CSF1R: variants seen among roughly 807,000 people sequenced by gnomAD.
CSF1R encodes colony stimulating factor 1 receptor.
A neutral mutation model predicts 110.0 loss-of-function variants in CSF1R; 40 were observed. That is an observed-to-expected ratio of 0.36 (90% CI 0.28 to 0.47). The LOEUF is 0.47. Among genes scored for constraint, CSF1R ranks in the 20% least tolerant of loss-of-function variants. The pLI is 0.99. For synonymous variants in CSF1R, 523 were observed against 503.4 expected (o/e 1.04, Z -0.52); for missense variants, 1,052 against 1,253.0 (o/e 0.84, Z 2.42).
chr5:150,073,884 A>T (rs960458748), intron 5 of CSF1R, among the ~76,000 whole-genome samples: 2 of 152,168 alleles, frequency 1.3e-5, no homozygotes, highest in Non-Finnish European at 2.9e-5. Context: ...TCTGGTCATA[A>T]ATTAGTCAAT....
chr5:150,063,316 G>A (rs528831889), intron 10 of CSF1R, among the ~76,000 whole-genome samples: 1 of 152,020 alleles, frequency 6.6e-6, no homozygotes, highest in East Asian at 1.9e-4. Flanking sequence ...CGGGCAGTGA[G>A]AGACCCTGAG....
intron 1 of CSF1R, chr5:150,094,252 T>G: frequency 8.9e-7 from 1 of 1,119,018 alleles, no homozygotes; most frequent in Non-Finnish European, 1.3e-6. Context: ...CAATCCTGGG[T>G]GTATATGCAC....
intron 10 of CSF1R, among the ~76,000 whole-genome samples, chr5:150,067,810 C>T (rs966533875): frequency 1.3e-5 from 2 of 152,162 alleles, no homozygotes; most frequent in Non-Finnish European, 2.9e-5. Context: ...TGCCATTCCT[C>T]TCCTCATAGC....
In CSF1R at chr5:150,055,299, C is replaced by T; in HGVS notation, c.2592G>A (p.Lys864=). 1 of 1,614,224 alleles carries T rather than the reference C, an allele frequency of 6.2e-7. No homozygotes were observed. Among genetic ancestry groups the T allele is most frequent in the Non-Finnish European group, 8.5e-7 (1 of 1,180,028 alleles). The change falls in exon 19 of 21, where the codon AAG becomes AAA. Residue 864 remains lysine, a synonymous_variant. Coordinates refer to ENST00000675795, the MANE Select transcript of CSF1R (RefSeq NM_001288705.3). ...NPYPGILVNS[K]FYKLVKDGYQ... ...ATCCATCCTTCACCAGTTTATAGAA[C>T]TTGCTGTTCACCAGGATGCCAGGGT...
chr5:150,062,819 G>T (rs978405169), intron 10 of CSF1R, among the ~76,000 whole-genome samples: 4 of 152,120 alleles, frequency 2.6e-5, no homozygotes, highest in Non-Finnish European at 4.4e-5. Flanking sequence ...GTCAGGGAAG[G>T]CCCCTAAAGA....
intron 12 of CSF1R, 66 bp downstream of exon 12, chr5:150,061,425 C>G: frequency 7.7e-7 from 1 of 1,296,628 alleles, no homozygotes; most frequent in South Asian, 1.3e-5. Flanking sequence ...CTTGTGACAC[C>G]AGGGCCAGCC....
At chr5:150,082,842 C>G (rs562024098) in intron 1 of CSF1R, among the ~76,000 whole-genome samples, 11 of 152,364 alleles carry the variant, frequency 7.2e-5, no homozygotes, top group Non-Finnish European at 1.2e-4. Flanking sequence ...GCTTTAATTG[C>G]TACATTTCTA....
At chr5:150,103,788 G>A (rs531177762) in intron 1 of CSF1R, among the ~76,000 whole-genome samples, 1 of 152,322 alleles carries the variant, frequency 6.6e-6, no homozygotes, top group East Asian at 1.9e-4. Flanking sequence ...GCCAACCAGA[G>A]TGTGAAGGAA....
chr5:150,105,130 C>T (rs1213478319), intron 1 of CSF1R, among the ~76,000 whole-genome samples: 16 of 151,518 alleles, frequency 1.1e-4, no homozygotes, highest in African/African-American at 7.3e-5. Context: ...AGGTGGATCA[C>T]GAGATCAGGA....
Position 150,054,206 on chromosome 5 carries a change from T to C in CSF1R, c.2782A>G (p.Ser928Gly). The C allele has an allele frequency of 6.2e-7, 1 of 1,612,348 alleles. No homozygotes were observed. Among genetic ancestry groups the C allele is most frequent in the Non-Finnish European group, 8.5e-7 (1 of 1,179,234 alleles). The stretch of plus-strand genomic sequence containing the variant: ...CCGCTGCCACCGCTTCTGCTGCTGC[T>C]CGGCAGATTGGTATAGTCCTGAGGG... ...RRERDYTNLP[S>G]SSRSGGSGSS... The change falls in exon 21 of 21, where the codon AGC becomes GGC. Residue 928 changes from serine (S) to glycine (G), a missense_variant. Coordinates refer to ENST00000675795, the MANE Select transcript of CSF1R (RefSeq NM_001288705.3).
intron 1 of CSF1R, among the ~76,000 whole-genome samples, chr5:150,104,105 G>A (rs7733874): frequency 0.043 from 6,580 of 152,278 alleles, 425 homozygotes; most frequent in African/African-American, 0.15. Context: ...CTGCCTTTGA[G>A]AGTCCCTGGA....
At chr5:150,057,649 G>C (rs1403442916) in intron 14 of CSF1R, 57 bp from the exon 15 acceptor site, 2 of 1,386,358 alleles carry the variant, frequency 1.4e-6, no homozygotes, top group Non-Finnish European at 2.0e-6. Context: ...GCACTGCTCA[G>C]CTCAGGCCTT....
intron 1 of CSF1R, among the ~76,000 whole-genome samples, chr5:150,093,845 C>G (rs1408844146): frequency 6.6e-6 from 1 of 152,158 alleles, no homozygotes; most frequent in Admixed American, 6.6e-5. Flanking sequence ...GGGCAGGTCA[C>G]CTGAGGTCAG....
intron 1 of CSF1R, among the ~76,000 whole-genome samples, chr5:150,097,177 A>C (rs1430481858): frequency 6.6e-6 from 1 of 152,094 alleles, no homozygotes; most frequent in Non-Finnish European, 1.5e-5. Flanking sequence ...ACTTGAGCTC[A>C]GGATGTCTAG....
chr5:150,056,931 C>G (rs1420677435), intron 16 of CSF1R, among the ~76,000 whole-genome samples: 4 of 152,184 alleles, frequency 2.6e-5, no homozygotes, highest in Non-Finnish European at 5.9e-5. Flanking sequence ...TATACGTTAT[C>G]TAATATCCCC....
intron 16 of CSF1R, 108 bp from the exon 17 acceptor site, chr5:150,056,449 GAAC>G: frequency 8.5e-6 from 12 of 1,419,542 alleles, no homozygotes; most frequent in Admixed American, 2.0e-5. Context: ...CTGCTGGAGT[GAAC>G]AACAGTTTTG....
rs749835712 is a variant in CSF1R at position 150,060,863 on chromosome 5, T to A, written c.1968A>T (p.Gly656=). 1 of 1,603,688 alleles carries A rather than the reference T, an allele frequency of 6.2e-7. No individual in the cohort carries two copies. The highest frequency in any genetic ancestry group is 1.7e-5 in the Admixed American group (1 of 58,956). ...IVNLLGACTH[G]GPVLVITEYC... Reference sequence around the variant, plus strand: ...CCCCAGGAACCCCAAGGCCCTTACCTCCATGGGTACAGGCTCCCAGAAGGT... The same window carrying A: ...CCCCAGGAACCCCAAGGCCCTTACCACCATGGGTACAGGCTCCCAGAAGGT... Residue 656 remains glycine (G), a splice_region_variant and synonymous_variant, in exon 13 of 21, where the codon GGA becomes GGT. Transcript: ENST00000675795.
intron 5 of CSF1R, among the ~76,000 whole-genome samples, chr5:150,074,842 T>TACACACACACACAC (rs5872157): frequency 6.6e-6 from 1 of 151,788 alleles, no homozygotes; most frequent in African/African-American, 2.4e-5. Context: ...TCTTCCTTCC[T>TACACACACACACAC]ACACACACAC....
At chr5:150,082,827 C>T (rs1758610201) in intron 1 of CSF1R, among the ~76,000 whole-genome samples, 1 of 152,244 alleles carries the variant, frequency 6.6e-6, no homozygotes, top group Non-Finnish European at 1.5e-5. Context: ...CTGCCCTGGG[C>T]ACCTGCTTTA....
Sources: allele counts gnomAD v4.1 joint callset (sites outside exome capture counted in the v4.1 genomes callset), GRCh38; gene constraint gnomAD v4.1.1; transcripts MANE v1.5; gene names NCBI Gene and HGNC (gene_info 2026-07-23, HGNC 2026-07-21).